Variants in PLEKHM1 observed in about 807,000 individuals in gnomAD.
The protein encoded by PLEKHM1 is pleckstrin homology and RUN domain containing M1, also known as pleckstrin homology domain-containing family M member 1.
A neutral mutation model predicts 94.3 loss-of-function variants in PLEKHM1; 28 were observed. That is an observed-to-expected ratio of 0.30 (90% CI 0.22 to 0.41). PLEKHM1 has a LOEUF of 0.41. Among genes scored for constraint, PLEKHM1 ranks in the 10% least tolerant of loss-of-function variants. PLEKHM1 has a pLI of 1.00. For synonymous variants in PLEKHM1, 424 were observed against 581.2 expected, an observed-to-expected ratio of 0.73 and a Z score of 3.89; for missense variants, 907 against 1,358.6, an observed-to-expected ratio of 0.67 and a Z score of 5.22.
At chr17:45,483,831 C>T (rs1485267107) in intron 1 of PLEKHM1, among the ~76,000 whole-genome samples, 1 of 152,086 alleles carries the variant, frequency 6.6e-6, no homozygotes, top group Non-Finnish European at 1.5e-5. Context: ...CCACCACCAG[C>T]CCCCAGGAGG....
chr17:45,435,455 G>A (rs369709291), downstream of PLEKHM1, among the ~76,000 whole-genome samples: 15 of 152,244 alleles, frequency 9.9e-5, no homozygotes, highest in East Asian at 2.5e-3. Context: ...GCCCTGAATC[G>A]GGGGATCCAC....
At chr17:45,452,279 G>C (rs1349085604) in intron 7 of PLEKHM1, among the ~76,000 whole-genome samples, 7 of 148,944 alleles carry the variant, frequency 4.7e-5, no homozygotes, top group Non-Finnish European at 3.0e-5. Flanking sequence ...GGGCCTGACT[G>C]TCAGGGTCCC....
At chr17:45,434,967 CAAA>C (rs11369025), downstream of PLEKHM1, among the ~76,000 whole-genome samples, 9 of 98,104 alleles carry the variant, frequency 9.2e-5, no homozygotes, top group Non-Finnish European at 1.2e-4. Context: ...AGACTGTATC[CAAA>C]AAAAAAAAAA....
chr17:45,488,667 G>A (rs545426828), intron 1 of PLEKHM1, among the ~76,000 whole-genome samples: 4 of 152,290 alleles, frequency 2.6e-5, no homozygotes, highest in East Asian at 1.9e-4. Flanking sequence ...AGCCAGGTGC[G>A]GCGGCTCACG....
intron 5 of PLEKHM1, chr17:45,460,064 A>G (rs1260093766): frequency 6.6e-6 from 1 of 152,028 alleles, no homozygotes; most frequent in Admixed American, 6.6e-5. Context: ...GAGAACACCA[A>G]GTGAAGACAG....
At position 45,436,496 on chromosome 17, in the gene PLEKHM1, C is replaced by A. The variant is rs554241993; in HGVS notation, c.*1362G>T. ...TGGGCTCATCTCTGACAGTGACATG[C>A]GGCTCTCCACCTGAGGCCTGACTCC... is the stretch of plus-strand genomic sequence containing the variant. On this transcript the variant is annotated 3_prime_UTR_variant, in exon 12 of 12. Coordinates refer to ENST00000430334, the MANE Select transcript of PLEKHM1 (RefSeq NM_014798.3). 6.6e-6 allele frequency: 3 copies of A among 453,492 alleles called. No homozygotes were observed. The East Asian group carries it at 2.1e-4, about 32-fold the overall frequency. 28.1% of individuals were successfully genotyped at this position (453,492 alleles called of 1,614,324 possible).
In PLEKHM1 at chr17:45,439,568, G is replaced by C; in HGVS notation, c.2968C>G (p.His990Asp). 6.2e-7 allele frequency: 1 copy of C among 1,614,204 alleles called. No homozygotes were observed. Among genetic ancestry groups the C allele is most frequent in the Non-Finnish European group, 8.5e-7 (1 of 1,180,024 alleles). ...CCGCGCTGGGTGCACAGGTCGCAGT[G>C]GTAGACATGCTGGGAGGCAAATTCA... ...LIEFASQHVY[H>D]CDLCTQRGFI... The change falls in exon 11 of 12, where the codon CAC becomes GAC. Residue 990 changes from histidine (H) to aspartate (D), a missense_variant. Transcript: ENST00000430334.
chr17:45,463,267 C>T (rs1229588493), intron 5 of PLEKHM1, among the ~76,000 whole-genome samples: 4 of 152,122 alleles, frequency 2.6e-5, no homozygotes, highest in African/African-American at 9.7e-5. Context: ...ATGCAGGTTC[C>T]TCGGAGCTTC....
chr17:45,449,311 T>TACCCATCTACCC (rs1462962244), intron 8 of PLEKHM1, among the ~76,000 whole-genome samples: 4 of 150,554 alleles, frequency 2.7e-5, no homozygotes, highest in African/African-American at 9.8e-5. Flanking sequence ...CCCATCTACC[T>TACCCATCTACCC]ACCCATCTAC....
In PLEKHM1 at chr17:45,440,202, C is replaced by A; in HGVS notation, c.2862G>T (p.Leu954Phe). Residue 954 changes from leucine to phenylalanine, a missense_variant, in exon 10 of 12, where the codon TTG (leucine) becomes TTT (phenylalanine). Around this residue, in one of 3 missense-constraint regions of PLEKHM1, gnomAD observed 254 missense variants for 451.1 expected, o/e 0.56. Coordinates refer to ENST00000430334, the MANE Select transcript of PLEKHM1 (RefSeq NM_014798.3). ...SKRLNHRNYL[L>F]ESPHRFSVAD... ...CAACACTGAACCTATGCGGAGATTC[C>A]AAGAGATAATTCCTGTGGTTGAGCC... 1.2e-6 allele frequency: 2 copies of A among 1,614,152 alleles called. No homozygotes were observed. The highest frequency in any genetic ancestry group is 1.7e-6 in the Non-Finnish European group (2 of 1,180,004).
Position 45,468,462 on chromosome 17 carries a change from C to T in PLEKHM1, c.1055G>A (p.Cys352Tyr). 1 of 1,614,242 alleles carries T rather than the reference C, an allele frequency of 6.2e-7. No homozygotes were observed. Among genetic ancestry groups the T allele is most frequent in the Non-Finnish European group, 8.5e-7 (1 of 1,180,046 alleles). The part of the protein sequence containing the change: ...HGLNTSTYLH[C>Y]EAPAEPLPAQ... Reference sequence around the variant, plus strand: ...AGGAAGGGGCTCTGCAGGTGCCTCACAGTGCAGGTATGTGCTGGTGTTGAG... The same window carrying T: ...AGGAAGGGGCTCTGCAGGTGCCTCATAGTGCAGGTATGTGCTGGTGTTGAG... Residue 352 changes from cysteine (C) to tyrosine (Y), a missense_variant, in exon 5 of 12, where the codon TGT (cysteine) becomes TAT (tyrosine). This residue lies in a region of PLEKHM1 where 477 missense variants were observed against 601.5 expected (regional missense o/e 0.79). Coordinates refer to ENST00000430334, the MANE Select transcript of PLEKHM1 (RefSeq NM_014798.3).
chr17:45,490,030 C>G (rs554330405), intron 1 of PLEKHM1, among the ~76,000 whole-genome samples: 1 of 151,940 alleles, frequency 6.6e-6, no homozygotes, highest in Non-Finnish European at 1.5e-5. Context: ...AGACTAAGGA[C>G]GAGAAGACAC....
Position 45,453,166 on chromosome 17 carries a change from A to G in PLEKHM1, c.2497+189T>C. 1 of 646,240 alleles carries G rather than the reference A, an allele frequency of 1.5e-6. No homozygotes were observed. Among genetic ancestry groups the G allele is most frequent in the Admixed American group, 2.3e-5 (1 of 42,804 alleles). The allele number at this position is 646,240 out of a possible 1,614,324, so 40.0% of individuals were successfully genotyped here. ...TGAGCAGGGCCCACTGCCTATGAGCAGGGCACTGGCCCCAGCCGGGGCTGG... is the reference window on the plus strand; with the variant it reads ...TGAGCAGGGCCCACTGCCTATGAGCGGGGCACTGGCCCCAGCCGGGGCTGG... On this transcript the variant is annotated intron_variant, in intron 7 of 11. Coordinates refer to ENST00000430334, the MANE Select transcript of PLEKHM1 (RefSeq NM_014798.3). The surrounding 1 kb of genome is among the most constrained non-coding windows in gnomAD (Gnocchi z 4.1).
In PLEKHM1 at chr17:45,454,119, G is replaced by A. The variant is rs751905840; in HGVS notation, c.1733C>T (p.Ser578Leu). ...CCCCACAGACTCACAGCGAAGCAGC[G>A]AGCAGTTCTCCACACAGGTGTGCTC... ...NEEHTCVENC[S>L]LLRCESVGPA... The change falls in exon 7 of 12, where the codon TCG (serine) becomes TTG (leucine). Residue 578 changes from serine to leucine, a missense_variant. Physicochemically the swap from Ser to Leu is moderately radical, Grantham distance 145. Around this residue, in one of 3 missense-constraint regions of PLEKHM1, gnomAD observed 477 missense variants for 601.5 expected, o/e 0.79. Coordinates refer to ENST00000430334, the MANE Select transcript of PLEKHM1 (RefSeq NM_014798.3). 41 of 1,614,058 alleles carry A rather than the reference G, an allele frequency of 2.5e-5. No individual in the cohort carries two copies. Among genetic ancestry groups the A allele is most frequent in the Middle Eastern group, 1.6e-4 (1 of 6,084 alleles).
chr17:45,447,079 G>A (rs141207750), intron 8 of PLEKHM1, among the ~76,000 whole-genome samples: 2 of 152,334 alleles, frequency 1.3e-5, no homozygotes, highest in East Asian at 3.9e-4. Flanking sequence ...TCCTGGCATA[G>A]GGCCTGGCAG....
At chr17:45,476,631 C>T (rs2051749046) in intron 3 of PLEKHM1, among the ~76,000 whole-genome samples, 1 of 152,116 alleles carries the variant, frequency 6.6e-6, no homozygotes, top group Admixed American at 6.6e-5. Flanking sequence ...AATCAGTCTC[C>T]AGGCTAGCAT....
intron 8 of PLEKHM1, among the ~76,000 whole-genome samples, chr17:45,448,289 C>T (rs537795443): frequency 2.0e-5 from 3 of 152,312 alleles, no homozygotes; most frequent in Admixed American, 6.5e-5. Flanking sequence ...ACACTGAGAG[C>T]GAGGGCGGGG....
Position 45,475,290 on chromosome 17 carries a change from G to C in PLEKHM1, c.733C>G (p.Gln245Glu). The C allele has an allele frequency of 6.2e-7, 1 of 1,613,974 alleles. No individual in the cohort carries two copies. Among genetic ancestry groups the C allele is most frequent in the Non-Finnish European group, 8.5e-7 (1 of 1,179,866 alleles). The stretch of plus-strand genomic sequence containing the variant: ...CTGAGGGAGGAGGCAGTCAGCTTCT[G>C]GTTCCTCCGTATCTTATGGCCCGAG... ...HHSGHKIRRN[Q>E]KLTASSLSLD... Residue 245 changes from glutamine (Q) to glutamate (E), a missense_variant, in exon 4 of 12, where the codon CAG becomes GAG. Around this residue, in one of 3 missense-constraint regions of PLEKHM1, gnomAD observed 477 missense variants for 601.5 expected, o/e 0.79. Transcript: ENST00000430334.
chr17:45,453,772 T>A lies in PLEKHM1; in HGVS notation c.2080A>T (p.Met694Leu). Reference sequence around the variant, plus strand: ...ATATAGGGCATCCAGGTCCTGTCCATGTACAAGTACAGCAGGGACTCCTTG... The same window carrying A: ...ATATAGGGCATCCAGGTCCTGTCCAAGTACAAGTACAGCAGGGACTCCTTG... ...AIKESLLYLY[M>L]DRTWMPYIFS... The change falls in exon 7 of 12, where the codon ATG (methionine) becomes TTG (leucine). Residue 694 changes from methionine to leucine, a missense_variant. This residue lies in a region of PLEKHM1 where 477 missense variants were observed against 601.5 expected (regional missense o/e 0.79). Coordinates refer to ENST00000430334, the MANE Select transcript of PLEKHM1 (RefSeq NM_014798.3). The surrounding 1 kb of genome is among the most constrained non-coding windows in gnomAD (Gnocchi z 4.1). 1.2e-6 allele frequency: 2 copies of A among 1,613,964 alleles called. No individual in the cohort carries two copies. The highest frequency in any genetic ancestry group is 1.7e-6 in the Non-Finnish European group (2 of 1,179,866).
Sources: gnomAD v4.1 joint callset for allele counts (sites outside exome capture counted in the v4.1 genomes callset) on GRCh38, gnomAD v4.1.1 for gene constraint, gnomAD v4.1.1 regional missense constraint, Gnocchi (gnomAD v3.1) non-coding constraint, MANE v1.5 for transcripts, NCBI Gene and HGNC (gene_info 2026-07-23, HGNC 2026-07-21) for gene names.